SEMA5A: variants seen among roughly 807,000 people sequenced by gnomAD.
The protein encoded by SEMA5A is semaphorin 5A.
SEMA5A carries 55 observed loss-of-function variants against 135.5 expected under a neutral mutation model. The observed-to-expected ratio is 0.41, with a 90% CI of 0.33 to 0.51. SEMA5A has a LOEUF of 0.51. SEMA5A is among the 20% of genes least tolerant of loss of function. SEMA5A has a pLI of 0.37. For synonymous variants in SEMA5A, 580 were observed against 546.5 expected (o/e 1.06, Z -0.85); for missense variants, 1,290 against 1,419.9 (o/e 0.91, Z 1.47).
chr5:9,535,898 G>A (rs910755025), intron 1 of SEMA5A, among the ~76,000 whole-genome samples: 1 of 152,148 alleles, frequency 6.6e-6, no homozygotes, highest in African/African-American at 2.4e-5. Flanking sequence ...TGCAGACGTC[G>A]GGATGTAACT....
At chr5:9,116,292 G>A (rs1427790415) in intron 15 of SEMA5A, among the ~76,000 whole-genome samples, 2 of 152,182 alleles carry the variant, frequency 1.3e-5, no homozygotes, top group Non-Finnish European at 2.9e-5. Context: ...TACACAGCAG[G>A]AGGAAACTAG....
At chr5:9,096,480 G>A (rs1739321659) in intron 16 of SEMA5A, among the ~76,000 whole-genome samples, 1 of 151,032 alleles carries the variant, frequency 6.6e-6, no homozygotes, top group African/African-American at 2.4e-5. Context: ...ATTTTATTTA[G>A]CATAATGTGT....
At chr5:9,396,246 G>GACACACACACACACA (rs1554030586) in intron 2 of SEMA5A, among the ~76,000 whole-genome samples, 1 of 148,848 alleles carries the variant, frequency 6.7e-6, no homozygotes, top group African/African-American at 2.5e-5. Context: ...GCGCGTGCGT[G>GACACACACACACACA]CACACACACA....
chr5:9,285,090 T>A (rs1750734559), intron 5 of SEMA5A, among the ~76,000 whole-genome samples: 1 of 152,172 alleles, frequency 6.6e-6, no homozygotes. Flanking sequence ...TCCTCAAGCC[T>A]CCTACACTTT....
At chr5:9,123,178 G>A (rs1164128369) in intron 13 of SEMA5A, among the ~76,000 whole-genome samples, 1 of 141,406 alleles carries the variant, frequency 7.1e-6, no homozygotes, top group East Asian at 2.2e-4. Flanking sequence ...GGTGTGGTGT[G>A]AACCCGGGAG....
At chr5:9,395,638 C>G (rs954604508) in intron 2 of SEMA5A, among the ~76,000 whole-genome samples, 2 of 152,178 alleles carry the variant, frequency 1.3e-5, no homozygotes, top group African/African-American at 4.8e-5. Flanking sequence ...TGTGACTTGG[C>G]CATACTGCAT....
intron 11 of SEMA5A, among the ~76,000 whole-genome samples, chr5:9,182,710 A>T (rs1246199885): frequency 1.3e-5 from 2 of 149,832 alleles, no homozygotes; most frequent in Admixed American, 1.3e-4. Context: ...ATGCAATGAC[A>T]TCTAGAATGC....
rs150180572 is a variant in SEMA5A, at chr5:9,307,795, A to T, written c.270+10577T>A. On this transcript the variant is annotated intron_variant, in intron 5 of 22. Transcript: ENST00000382496. Reference sequence around the variant, plus strand: ...AAATGCATTTTAGATAAATGAAATGAACTCCTCCATTTATCTAGCAGCTTG... The same window carrying T: ...AAATGCATTTTAGATAAATGAAATGTACTCCTCCATTTATCTAGCAGCTTG... Among the ~76,000 whole-genome samples, 324 of 152,276 alleles carry T rather than the reference A, an allele frequency of 2.1e-3. 1 individual carries two copies. Among genetic ancestry groups the T allele is most frequent in the African/African-American group, 7.4e-3 (307 of 41,560 alleles).
At chr5:9,346,206 C>G (rs971906035) in intron 3 of SEMA5A, among the ~76,000 whole-genome samples, 1 of 152,114 alleles carries the variant, frequency 6.6e-6, no homozygotes, top group Admixed American at 6.5e-5. Context: ...TTCAGAGGGA[C>G]AGTTTGATGG....
At chr5:9,088,938 A>G (rs1738880943) in intron 16 of SEMA5A, among the ~76,000 whole-genome samples, 1 of 152,038 alleles carries the variant, frequency 6.6e-6, no homozygotes, top group South Asian at 2.1e-4. Flanking sequence ...TAGCTCACAA[A>G]TGCTGTGGGT....
chr5:9,281,328 A>G (rs1376176428), intron 5 of SEMA5A, among the ~76,000 whole-genome samples: 2 of 152,270 alleles, frequency 1.3e-5, no homozygotes, highest in East Asian at 3.9e-4. Flanking sequence ...TTTTCCCTAT[A>G]ATTTTTGTAT....
At chr5:9,243,722 G>T (rs1748331826) in intron 5 of SEMA5A, among the ~76,000 whole-genome samples, 1 of 152,164 alleles carries the variant, frequency 6.6e-6, no homozygotes, top group African/African-American at 2.4e-5. Flanking sequence ...TTTTGGATGA[G>T]GACTTAGGGT....
At chr5:9,139,764 C>T (rs1741962602) in intron 12 of SEMA5A, among the ~76,000 whole-genome samples, 1 of 152,116 alleles carries the variant, frequency 6.6e-6, no homozygotes, top group Non-Finnish European at 1.5e-5. Context: ...TTCTTTATAG[C>T]ATCTAATGTG....
At chr5:9,325,458 C>G (rs76375355) in intron 4 of SEMA5A, among the ~76,000 whole-genome samples, 1 of 152,136 alleles carries the variant, frequency 6.6e-6, no homozygotes, top group Non-Finnish European at 1.5e-5. Context: ...GCGTTTTCTA[C>G]GTCTTCACCA....
intron 5 of SEMA5A, among the ~76,000 whole-genome samples, chr5:9,298,969 A>G (rs557358254): frequency 2.6e-5 from 4 of 152,276 alleles, no homozygotes; most frequent in Admixed American, 1.3e-4. Context: ...TCCCTTATGG[A>G]GCTTTTAGGG....
intron 3 of SEMA5A, among the ~76,000 whole-genome samples, chr5:9,368,787 T>C (rs1229776191): frequency 6.6e-6 from 1 of 152,232 alleles, no homozygotes; most frequent in African/African-American, 2.4e-5. Context: ...TTTATTCATT[T>C]CCATTGATGA....
intron 6 of SEMA5A, among the ~76,000 whole-genome samples, chr5:9,230,403 C>A (rs1017461171): frequency 1.3e-5 from 2 of 151,938 alleles, no homozygotes; most frequent in African/African-American, 4.8e-5. Context: ...AGCAGTGTGC[C>A]AGGGAGGGGC....
intron 1 of SEMA5A, chr5:9,523,059 A>G (rs1736924691): frequency 6.6e-6 from 1 of 152,230 alleles, no homozygotes; most frequent in South Asian, 2.1e-4. Context: ...AAGAGTGTTT[A>G]AAACCTAATA....
intron 14 of SEMA5A, among the ~76,000 whole-genome samples, chr5:9,119,850 A>G (rs1351039209): frequency 1.3e-5 from 2 of 152,216 alleles, no homozygotes; most frequent in East Asian, 3.8e-4. Flanking sequence ...TGCAAATTGC[A>G]TATAACTAAC....
Sources: gnomAD v4.1 joint callset for allele counts (sites outside exome capture counted in the v4.1 genomes callset) on GRCh38, gnomAD v4.1.1 for gene constraint, MANE v1.5 for transcripts, NCBI Gene and HGNC (gene_info 2026-07-23, HGNC 2026-07-21) for gene names.